ACACB: variants seen among roughly 807,000 people sequenced by gnomAD.
ACACB encodes the protein acetyl-CoA carboxylase beta.
ACACB carries 209 observed loss-of-function variants against 278.8 expected under a neutral mutation model. The observed-to-expected ratio is 0.75, with a 90% CI of 0.67 to 0.84. The LOEUF (loss-of-function observed/expected upper bound fraction) is 0.84. Among genes scored for constraint, ACACB ranks in the 40% least tolerant of loss-of-function variants. ACACB has a pLI of 0.00. For missense variants in ACACB, 2,850 were observed against 3,269.0 expected (o/e 0.87, Z 3.13); for synonymous variants, 1,174 against 1,285.6 (o/e 0.91, Z 1.86).
intron 40 of ACACB, chr12:109,248,833 T>C (rs1593699766): frequency 6.6e-6 from 1 of 152,240 alleles, no homozygotes; most frequent in Non-Finnish European, 1.5e-5. Flanking sequence ...CATGCTAAAG[T>C]GCATTGTGAA....
In ACACB at chr12:109,265,460, G is replaced by T. The variant is rs17848845; in HGVS notation, c.7185G>T (p.Pro2395=). 9.3e-6 allele frequency: 15 copies of T among 1,613,068 alleles called. No homozygotes were observed. The highest frequency in any genetic ancestry group is 1.7e-5 in the Admixed American group (1 of 59,920). ...AGCACTGGCAGGCAGGGGATGGCCC[G>T]CGCTCCACCATCCGTGAGAACATCA... ...LEQHWQAGDG[P]RSTIRENITY... is the part of the protein sequence containing the mutation. The change falls in exon 52 of 53, where the codon CCG becomes CCT. Residue 2395 remains proline, a synonymous_variant. Coordinates refer to ENST00000338432, the MANE Select transcript of ACACB (RefSeq NM_001093.4).
At chr12:109,225,283 A>G (rs1593628895) in intron 27 of ACACB, among the ~76,000 whole-genome samples, 1 of 152,076 alleles carries the variant, frequency 6.6e-6, no homozygotes, top group Non-Finnish European at 1.5e-5. Context: ...GCATGCCACC[A>G]TGCTTGACTT....
chr12:109,239,735 C>G, intron 34 of ACACB, 95 bp from the exon 35 acceptor site: 1 of 1,381,706 alleles, frequency 7.2e-7, no homozygotes, highest in African/African-American at 1.5e-5. Flanking sequence ...GAATGTTTTC[C>G]TCCTGTCTCT....
intron 11 of ACACB, among the ~76,000 whole-genome samples, chr12:109,184,845 C>G (rs1168154276): frequency 6.6e-6 from 1 of 151,870 alleles, no homozygotes; most frequent in East Asian, 1.9e-4. Flanking sequence ...TAGCTGGGAC[C>G]ACAGGTGCAA....
chr12:109,117,915 T>A (rs1187861679), intron 1 of ACACB, among the ~76,000 whole-genome samples: 2 of 151,858 alleles, frequency 1.3e-5, no homozygotes, highest in African/African-American at 4.8e-5. Flanking sequence ...CCCGGCTAAT[T>A]TTTTTTGTAT....
chr12:109,245,868 C>T, intron 38 of ACACB, 120 bp downstream of exon 38: 1 of 1,278,996 alleles, frequency 7.8e-7, no homozygotes, highest in Non-Finnish European at 1.1e-6. Flanking sequence ...GTGGGTGGAT[C>T]ACTTGAGGTC....
chr12:109,210,201 A>ATATATGTATATATACACACGTGTG (rs2045720726), intron 21 of ACACB, among the ~76,000 whole-genome samples: 2 of 13,586 alleles, frequency 1.5e-4, no homozygotes, highest in Non-Finnish European at 3.0e-4. Context: ...GTGTATATGT[A>ATATATGTATATATACACACGTGTG]TATATGTATA....
intron 1 of ACACB, among the ~76,000 whole-genome samples, chr12:109,126,203 C>A (rs1049625232): frequency 6.6e-6 from 1 of 152,162 alleles, no homozygotes; most frequent in Non-Finnish European, 1.5e-5. Context: ...TGGACTTCAG[C>A]AATTTCTGCA....
intron 1 of ACACB, among the ~76,000 whole-genome samples, chr12:109,129,200 C>A (rs999549809): frequency 6.6e-6 from 1 of 152,182 alleles, no homozygotes; most frequent in Non-Finnish European, 1.5e-5. Flanking sequence ...CACTTAGGAC[C>A]TTTTCTAGAG....
At chr12:109,179,814 GCAGGTGCT>G in intron 10 of ACACB, 95 bp from the exon 11 acceptor site, 1 of 1,332,512 alleles carries the variant, frequency 7.5e-7, no homozygotes. Flanking sequence ...TTCACATGTA[GCAGGTGCT>G]CAGTCTGCAT....
At chr12:109,133,863 A>ATTTTTT (rs67896522) in intron 1 of ACACB, among the ~76,000 whole-genome samples, 4 of 70,652 alleles carry the variant, frequency 5.7e-5, no homozygotes, top group African/African-American at 8.9e-5. Flanking sequence ...ATATATATAT[A>ATTTTTT]TTTTTTTTTT....
intron 27 of ACACB, among the ~76,000 whole-genome samples, chr12:109,224,496 G>T (rs186480858): frequency 3.3e-5 from 5 of 151,752 alleles, no homozygotes; most frequent in Admixed American, 2.0e-4. Flanking sequence ...GAAGTGTTGT[G>T]TTGGTTCCAG....
intron 2 of ACACB, among the ~76,000 whole-genome samples, chr12:109,144,528 G>A (rs2043190784): frequency 6.6e-6 from 1 of 152,026 alleles, no homozygotes; most frequent in Admixed American, 6.6e-5. Flanking sequence ...ATGGAAGGTG[G>A]TGTCAAAAGA....
chr12:109,206,916 C>T (rs1029914747), intron 20 of ACACB, 60 bp downstream of exon 20: 9 of 1,580,384 alleles, frequency 5.7e-6, no homozygotes, highest in East Asian at 2.2e-5. Context: ...AGATCTACCC[C>T]GTGACAGCAG....
chr12:109,191,793 C>G, intron 14 of ACACB, 30 bp downstream of exon 14: 1 of 1,614,130 alleles, frequency 6.2e-7, no homozygotes, highest in East Asian at 2.2e-5. Context: ...TGTCTCCCCT[C>G]TGGATGGCCG....
Position 109,212,935 on chromosome 12 carries a change from A to G in ACACB, c.3349A>G (p.Arg1117Gly), listed in dbSNP as rs764817905. Residue 1117 changes from arginine to glycine, a missense_variant and splice_region_variant, in exon 22 of 53, where the codon AGA becomes GGA. Coordinates refer to ENST00000338432, the MANE Select transcript of ACACB (RefSeq NM_001093.4). ...NTQSIVQLVQ[R>G]YRSGIRGYMK... Reference sequence around the variant, plus strand: ...CCAGAGCATCGTGCAGTTGGTCCAGAGGTGAATCCTGGGTCTCCCCGTAGG... The same window carrying G: ...CCAGAGCATCGTGCAGTTGGTCCAGGGGTGAATCCTGGGTCTCCCCGTAGG... The G allele has an allele frequency of 6.2e-7, 1 of 1,613,468 alleles. No homozygotes were observed. The highest frequency in any genetic ancestry group is 1.1e-5 in the South Asian group (1 of 91,064).
rs936691440 is a variant in ACACB, at chr12:109,178,996, T to C, written c.1438-92T>C. ...TGGATGAGTACCCTAAACACATCAC[T>C]GCGTTTGTTTTATGTTCTCTCCTGA... On this transcript the variant is annotated intron_variant, in intron 9 of 52. Coordinates refer to ENST00000338432, the MANE Select transcript of ACACB (RefSeq NM_001093.4). 57 of 1,202,276 alleles carry C rather than the reference T, an allele frequency of 4.7e-5. No individual in the cohort carries two copies. The African/African-American group carries it at 7.7e-4, about 16-fold the overall frequency. The allele number at this position is 1,202,276 out of a possible 1,614,324, so 74.5% of individuals were successfully genotyped here.
At chr12:109,167,828 G>C in intron 3 of ACACB, 68 bp from the exon 4 acceptor site, 3 of 1,609,696 alleles carry the variant, frequency 1.9e-6, no homozygotes, top group South Asian at 1.1e-5. Flanking sequence ...AGGTGGACTC[G>C]GGGTAGCACG....
At chr12:109,235,443 AT>A in intron 32 of ACACB, 74 bp downstream of exon 32, 1 of 1,507,652 alleles carries the variant, frequency 6.6e-7, no homozygotes, top group African/African-American at 1.4e-5. Context: ...TTTGATATTT[AT>A]TTTGTAGATT....
Sources: allele counts gnomAD v4.1 joint callset (sites outside exome capture counted in the v4.1 genomes callset), GRCh38; gene constraint gnomAD v4.1.1; transcripts MANE v1.5; gene names NCBI Gene and HGNC (gene_info 2026-07-23, HGNC 2026-07-21).